The following SORCS2 variants were observed in gnomAD, a reference collection of about 807,000 sequenced individuals.
SORCS2 encodes the protein sortilin related VPS10 domain containing receptor 2.
A neutral mutation model predicts 141.6 loss-of-function variants in SORCS2; 100 were observed. The ratio of observed to expected loss-of-function variants is 0.71; its 90% CI spans 0.60 to 0.83. SORCS2 has a LOEUF of 0.83. SORCS2 is among the 40% of genes least tolerant of loss of function. The probability of loss-of-function intolerance (pLI) is 0.00; values close to 1 mark genes in which losing one functional copy is unlikely to be tolerated. For synonymous variants in SORCS2, 789 were observed against 676.9 expected (o/e 1.17, Z -2.57); for missense variants, 1,646 against 1,560.2 (o/e 1.05, Z -0.93).
chr4:7,515,896 C>T (rs537916015), intron 2 of SORCS2, among the ~76,000 whole-genome samples: 17 of 152,286 alleles, frequency 1.1e-4, no homozygotes, highest in African/African-American at 2.9e-4. Context: ...GCCGTGTCAC[C>T]TCGAGCAAGT....
chr4:7,705,480 C>T (rs1426052175), intron 14 of SORCS2, among the ~76,000 whole-genome samples: 1 of 152,258 alleles, frequency 6.6e-6, no homozygotes, highest in Non-Finnish European at 1.5e-5. Context: ...AAGGCCTAGG[C>T]ACAGGGAGAT....
At chr4:7,561,403 CCCATCCATCCATGTAT>C (rs1422074574) in intron 3 of SORCS2, among the ~76,000 whole-genome samples, 19 of 151,232 alleles carry the variant, frequency 1.3e-4, no homozygotes, top group Admixed American at 1.2e-3. Context: ...CATCCATCTA[CCCATCCATCCATGTAT>C]CCATTCATCC....
At chr4:7,325,769 C>T (rs556554236) in intron 1 of SORCS2, among the ~76,000 whole-genome samples, 3 of 152,264 alleles carry the variant, frequency 2.0e-5, no homozygotes, top group East Asian at 3.9e-4. Context: ...GACCTTCCCT[C>T]CCCCCACGCC....
chr4:7,451,112 GTGAA>G (rs1313235091), intron 2 of SORCS2, among the ~76,000 whole-genome samples: 1 of 152,212 alleles, frequency 6.6e-6, no homozygotes, highest in Non-Finnish European at 1.5e-5. Context: ...GAATGAGTGA[GTGAA>G]TGAACGAATG....
At chr4:7,544,084 C>CCACCCATGCATG (rs1713059316) in intron 3 of SORCS2, among the ~76,000 whole-genome samples, 1 of 149,392 alleles carries the variant, frequency 6.7e-6, no homozygotes, top group Non-Finnish European at 1.5e-5. Flanking sequence ...ATCCATCCAT[C>CCACCCATGCATG]CATCCACCCA....
chr4:7,480,658 C>A (rs2109367894), intron 2 of SORCS2, among the ~76,000 whole-genome samples: 1 of 152,340 alleles, frequency 6.6e-6, no homozygotes, highest in Non-Finnish European at 1.5e-5. Flanking sequence ...CCCCGGGTAG[C>A]CCAGAGCCGC....
At chr4:7,263,021 C>T (rs1403913241) in intron 1 of SORCS2, among the ~76,000 whole-genome samples, 1 of 152,178 alleles carries the variant, frequency 6.6e-6, no homozygotes, top group Non-Finnish European at 1.5e-5. Flanking sequence ...TATATGCCTG[C>T]CTTCTGCTTC....
chr4:7,556,539 T>C (rs1163533928), intron 3 of SORCS2, among the ~76,000 whole-genome samples: 1 of 152,142 alleles, frequency 6.6e-6, no homozygotes, highest in African/African-American at 2.4e-5. Context: ...TGAGACCCAG[T>C]CTTGGGCTCA....
At chr4:7,352,162 A>T (rs997958848) in intron 1 of SORCS2, among the ~76,000 whole-genome samples, 1 of 152,122 alleles carries the variant, frequency 6.6e-6, no homozygotes, top group African/African-American at 2.4e-5. Flanking sequence ...CAGAATTTTC[A>T]TCCCTCTAAA....
At chr4:7,667,624 C>G (rs893459978) in intron 8 of SORCS2, among the ~76,000 whole-genome samples, 10 of 152,206 alleles carry the variant, frequency 6.6e-5, no homozygotes, top group African/African-American at 2.4e-4. Flanking sequence ...ATCTCCTGCT[C>G]TCCTCTGATA....
At chr4:7,549,321 A>T (rs900789537) in intron 3 of SORCS2, among the ~76,000 whole-genome samples, 3 of 151,994 alleles carry the variant, frequency 2.0e-5, no homozygotes, top group African/African-American at 4.8e-5. Context: ...CTTGAAAGGA[A>T]CTCCCAGCCT....
At chr4:7,386,601 C>T (rs949745401) in intron 1 of SORCS2, among the ~76,000 whole-genome samples, 12 of 145,904 alleles carry the variant, frequency 8.2e-5, no homozygotes, top group South Asian at 4.4e-4. Flanking sequence ...TTTGCACACA[C>T]GCACACATAT....
Position 7,306,734 on chromosome 4 carries a change from G to A in SORCS2, c.481-89554G>A, listed in dbSNP as rs549093574. 2.0e-5 allele frequency among the ~76,000 whole-genome samples: 3 copies of A among 152,288 alleles called. No individual in the cohort carries two copies. In the South Asian group the frequency reaches 6.2e-4, roughly 32 times the overall value. ...TGGCAGGGGATCATTCCTGTGGACG[G>A]ATCTCCATGCAGTGCACCGTGCAGA... On this transcript the variant is annotated intron_variant, in intron 1 of 26. Coordinates refer to ENST00000507866, the MANE Select transcript of SORCS2 (RefSeq NM_020777.3).
chr4:7,715,696 C>T (rs1043047895), intron 17 of SORCS2, among the ~76,000 whole-genome samples: 8 of 152,206 alleles, frequency 5.3e-5, no homozygotes, highest in Middle Eastern at 3.2e-3. Flanking sequence ...TCTTTCTGAG[C>T]CTCTGCAGTG....
chr4:7,443,411 T>G (rs750482025), intron 2 of SORCS2, among the ~76,000 whole-genome samples: 1 of 152,162 alleles, frequency 6.6e-6, no homozygotes, highest in Non-Finnish European at 1.5e-5. Context: ...TCTAAAGCCC[T>G]TCTGAGCGCA....
At chr4:7,310,936 A>G (rs1188305297) in intron 1 of SORCS2, among the ~76,000 whole-genome samples, 1 of 152,234 alleles carries the variant, frequency 6.6e-6, no homozygotes, top group Non-Finnish European at 1.5e-5. Flanking sequence ...ATTGAGGTAT[A>G]ATAGAGATAT....
At chr4:7,398,072 C>T (rs919296591) in intron 2 of SORCS2, among the ~76,000 whole-genome samples, 6 of 152,128 alleles carry the variant, frequency 3.9e-5, no homozygotes, top group African/African-American at 1.4e-4. Flanking sequence ...GTCTTCTGAA[C>T]AGGGAACGAT....
chr4:7,256,237 A>T (rs1253760417), intron 1 of SORCS2, among the ~76,000 whole-genome samples: 1 of 152,128 alleles, frequency 6.6e-6, no homozygotes, highest in Non-Finnish European at 1.5e-5. Context: ...GCCCGCTCAG[A>T]GGGGACAGCA....
intron 1 of SORCS2, among the ~76,000 whole-genome samples, chr4:7,323,217 T>C (rs1351476304): frequency 6.6e-6 from 1 of 152,192 alleles, no homozygotes; most frequent in Non-Finnish European, 1.5e-5. Flanking sequence ...AAAGAGCACA[T>C]AATGATAGCA....
Sources: gnomAD v4.1 joint callset for allele counts (sites outside exome capture counted in the v4.1 genomes callset) on GRCh38, gnomAD v4.1.1 for gene constraint, MANE v1.5 for transcripts, NCBI Gene and HGNC (gene_info 2026-07-23, HGNC 2026-07-21) for gene names.